SNRPN: variants seen among roughly 807,000 people sequenced by gnomAD.
The protein encoded by SNRPN is small nuclear ribonucleoprotein polypeptide N.
In SNRPN, 7 loss-of-function variants were observed where a neutral mutation model predicts 25.2. That is an observed-to-expected ratio of 0.28 (90% CI 0.16 to 0.52). The LOEUF is 0.52. SNRPN is among the 20% of genes least tolerant of loss of function. The probability of loss-of-function intolerance (pLI) is 0.96; values close to 1 mark genes in which losing one functional copy is unlikely to be tolerated. For missense variants in SNRPN, 196 were observed against 322.5 expected (o/e 0.61, Z 3.00); for synonymous variants, 124 against 110.6 (o/e 1.12, Z -0.76).
upstream of SNRPN, chr15:24,954,941 A>AGGCGGGGATGTG (rs1196051145): frequency 4.0e-6 from 6 of 1,514,580 alleles, no homozygotes; most frequent in East Asian, 1.4e-4. Flanking sequence ...GCGCATGCTC[A>AGGCGGGGATGTG]GGCGGGGATG....
intron 3 of SNRPN, among the ~76,000 whole-genome samples, chr15:24,925,210 T>C (rs1313745122): frequency 6.6e-6 from 1 of 152,178 alleles, no homozygotes; most frequent in African/African-American, 2.4e-5. Flanking sequence ...ATAGTATATA[T>C]GTTGCTTACT....
chr15:24,828,407 T>C (rs967013436), intron 1 of SNRPN, among the ~76,000 whole-genome samples: 1 of 152,104 alleles, frequency 6.6e-6, no homozygotes, highest in African/African-American at 2.4e-5. Context: ...GCCATGTCAT[T>C]GATGCCACCA....
intron 1 of SNRPN, among the ~76,000 whole-genome samples, chr15:24,885,018 T>C (rs995422572): frequency 1.3e-5 from 2 of 152,234 alleles, no homozygotes; most frequent in Non-Finnish European, 2.9e-5. Context: ...ATGTAAAGAC[T>C]AAACTAAGCT....
At chr15:24,844,635 C>T (rs2052025943) in intron 2 of SNRPN, among the ~76,000 whole-genome samples, 1 of 152,162 alleles carries the variant, frequency 6.6e-6, no homozygotes, top group African/African-American at 2.4e-5. Flanking sequence ...AGCGACTCTC[C>T]TGCCTCAGCC....
intron 3 of SNRPN, among the ~76,000 whole-genome samples, chr15:24,933,266 A>T (rs2061001084): frequency 6.6e-6 from 1 of 152,132 alleles, no homozygotes; most frequent in South Asian, 2.1e-4. Context: ...TCTCAAAAAA[A>T]CAAAAAGAAA....
chr15:24,903,455 C>T (rs985018875), intron 2 of SNRPN, among the ~76,000 whole-genome samples: 2 of 152,094 alleles, frequency 1.3e-5, no homozygotes, highest in Non-Finnish European at 2.9e-5. Context: ...TCCTAAGGGC[C>T]AAAGGAAATG....
In SNRPN at chr15:24,872,571, C is replaced by A. The variant is rs1019271234; in HGVS notation, c.-578-13945C>A. Among the ~76,000 whole-genome samples, 66 of 108,998 alleles carry A rather than the reference C, an allele frequency of 6.1e-4. 17 individuals carry two copies. The South Asian group carries it at 0.022, about 36-fold the overall frequency. 71.5% of individuals were successfully genotyped at this position (108,998 alleles called of 152,430 possible). A position where few individuals can be genotyped will look rare whatever the true frequency, so the allele number is the denominator to read the frequency against. ...GACCAGCCTGACCAACATGGAGAAA[C>A]CCCGTCTCTACTAACAATAAAAAAA... On this transcript the variant is annotated intron_variant, in intron 1 of 11. Transcript: ENST00000400097.
chr15:24,950,978 A>T (rs1221362524), upstream of SNRPN, among the ~76,000 whole-genome samples: 1 of 151,404 alleles, frequency 6.6e-6, no homozygotes, highest in Non-Finnish European at 1.5e-5. Context: ...CTTTAGTCTC[A>T]GTCCCAAGCA....
At chr15:24,941,410 T>C (rs1398106605) in intron 3 of SNRPN, among the ~76,000 whole-genome samples, 2 of 152,260 alleles carry the variant, frequency 1.3e-5, no homozygotes, top group African/African-American at 2.4e-5. Flanking sequence ...ATTACCTTTG[T>C]CTACTACTCA....
intron 1 of SNRPN, chr15:24,958,591 C>T (rs1191435734): frequency 6.7e-6 from 1 of 149,114 alleles, no homozygotes; most frequent in East Asian, 2.0e-4. Flanking sequence ...TATCCTCTCC[C>T]TCCTCAGTCT....
chr15:24,914,567 TA>T (rs904131026), intron 2 of SNRPN, among the ~76,000 whole-genome samples: 8 of 151,596 alleles, frequency 5.3e-5, no homozygotes, highest in African/African-American at 9.7e-5. Context: ...TAAAAATAAA[TA>T]AAAAAAATTA....
chr15:24,886,053 CATT>C (rs2057178624), intron 1 of SNRPN, among the ~76,000 whole-genome samples: 1 of 151,248 alleles, frequency 6.6e-6, no homozygotes, highest in African/African-American at 2.4e-5. Flanking sequence ...CTTAACCAAA[CATT>C]AGTCAGGCTC....
intron 1 of SNRPN, among the ~76,000 whole-genome samples, chr15:24,884,982 G>GT (rs574100935): frequency 1.6e-4 from 25 of 152,156 alleles, no homozygotes; most frequent in Non-Finnish European, 2.6e-4. Context: ...TTGTATTTAA[G>GT]TTTTTTTTAT....
intron 2 of SNRPN, among the ~76,000 whole-genome samples, chr15:24,917,279 C>T (rs1398597154): frequency 2.6e-5 from 4 of 152,118 alleles, no homozygotes; most frequent in Non-Finnish European, 5.9e-5. Flanking sequence ...CCTTTGAGAT[C>T]TATGATGTCA....
At chr15:24,876,353 C>T (rs1177087141) in intron 1 of SNRPN, among the ~76,000 whole-genome samples, 3 of 152,084 alleles carry the variant, frequency 2.0e-5, no homozygotes, top group Non-Finnish European at 4.4e-5. Flanking sequence ...AGCTGTGGCT[C>T]ATGCCTTTAA....
intron 2 of SNRPN, among the ~76,000 whole-genome samples, chr15:24,893,694 C>T (rs960956208): frequency 1.3e-4 from 16 of 122,444 alleles, no homozygotes; most frequent in Non-Finnish European, 2.5e-4. Flanking sequence ...ATAGTACATT[C>T]CCATTAAAAA....
intron 2 of SNRPN, among the ~76,000 whole-genome samples, chr15:24,912,950 A>T (rs902765546): frequency 3.9e-5 from 6 of 152,014 alleles, no homozygotes; most frequent in African/African-American, 1.2e-4. Context: ...TTATTTATTT[A>T]TTTTTTTGAG....
In SNRPN at chr15:24,962,192, C is replaced by A. The variant is rs2074941455; in HGVS notation, c.-312C>A. 1 of 1,614,046 alleles carries A rather than the reference C, an allele frequency of 6.2e-7. No individual in the cohort carries two copies. Among genetic ancestry groups the A allele is most frequent in the South Asian group, 1.1e-5 (1 of 91,084 alleles). ...TCCAAGTCAAACGCAGAAGGACTGC[C>A]TCACTGAGCAACCAAGAGTGAGTAC... is the stretch of plus-strand genomic sequence containing the variant. On this transcript the variant is annotated 5_prime_UTR_variant, in exon 2 of 10. Transcript: ENST00000390687.
intron 3 of SNRPN, among the ~76,000 whole-genome samples, chr15:24,945,193 A>G (rs954914259): frequency 2.0e-5 from 3 of 152,140 alleles, no homozygotes; most frequent in Admixed American, 6.6e-5. Context: ...CATAGACAAT[A>G]CATAAACAAA....
Sources: gnomAD v4.1 joint callset for allele counts (sites outside exome capture counted in the v4.1 genomes callset) on GRCh38, gnomAD v4.1.1 for gene constraint, MANE v1.5 for transcripts, NCBI Gene and HGNC (gene_info 2026-07-23, HGNC 2026-07-21) for gene names.